Variants in ARFGEF1 observed in about 807,000 individuals in gnomAD.
ARFGEF1 encodes ARF guanine nucleotide exchange factor 1, also known as brefeldin A-inhibited guanine nucleotide-exchange protein 1.
Under a neutral mutation model 231.0 loss-of-function variants are expected in ARFGEF1, and 42 were observed. That is an observed-to-expected ratio of 0.18 (90% confidence interval 0.14 to 0.24). The LOEUF is 0.24. ARFGEF1 is among the 10% of genes least tolerant of loss of function. The pLI is 1.00. For missense variants in ARFGEF1, 1,345 were observed against 2,192.0 expected (o/e 0.61, Z 7.72); for synonymous variants, 710 against 732.3 (o/e 0.97, Z 0.49).
In ARFGEF1 at chr8:67,238,766, T is replaced by C; in HGVS notation, c.3107A>G (p.Asp1036Gly). 1 of 1,613,774 alleles carries C rather than the reference T, an allele frequency of 6.2e-7. No individual in the cohort carries two copies. Among genetic ancestry groups the C allele is most frequent in the South Asian group, 1.1e-5 (1 of 91,038 alleles). The change falls in exon 21 of 39, where the codon GAT becomes GGT. Residue 1036 changes from aspartate (D) to glycine (G), a missense_variant. Asp to Gly is a moderately conservative substitution (Grantham distance 94). This residue lies in a region of ARFGEF1 where 146 missense variants were observed against 321.4 expected (regional missense o/e 0.45). Coordinates refer to ENST00000262215, the MANE Select transcript of ARFGEF1 (RefSeq NM_006421.5). ...CCATGAATTTCCTAAATAATTTCCA[T>C]CTGTATGAGCCACTGTGATAAGTGT... ...IKTLITVAHTDGNYLGNSWHE... is the reference protein window; with the variant it reads ...IKTLITVAHTGGNYLGNSWHE...
At chr8:67,304,797 T>A (rs1416690892) in intron 1 of ARFGEF1, among the ~76,000 whole-genome samples, 1 of 152,202 alleles carries the variant, frequency 6.6e-6, no homozygotes, top group Non-Finnish European at 1.5e-5. Context: ...CCAGCCTGGG[T>A]GACAGAATGA....
intron 5 of ARFGEF1, among the ~76,000 whole-genome samples, chr8:67,185,553 G>C (rs1834342034): frequency 6.6e-6 from 1 of 152,212 alleles, no homozygotes; most frequent in South Asian, 2.1e-4. Flanking sequence ...TCTGTCGGTT[G>C]ATGTGTGCTT....
chr8:67,248,958 T>C (rs1388061116), intron 19 of ARFGEF1, among the ~76,000 whole-genome samples: 1 of 149,942 alleles, frequency 6.7e-6, no homozygotes, highest in Non-Finnish European at 1.5e-5. Context: ...AGATAAACTT[T>C]TTTTTGTCTT....
chr8:67,202,829 G>A (rs1484645103), intron 36 of ARFGEF1, among the ~76,000 whole-genome samples: 1 of 152,158 alleles, frequency 6.6e-6, no homozygotes, highest in East Asian at 1.9e-4. Flanking sequence ...GGTCCAGGTT[G>A]GGTAAACAAG....
intron 10 of ARFGEF1, among the ~76,000 whole-genome samples, chr8:67,271,035 A>G (rs1300102358): frequency 2.7e-5 from 4 of 146,984 alleles, no homozygotes; most frequent in Non-Finnish European, 4.5e-5. Context: ...CAAAAAAAAA[A>G]AAAAAAAAGG....
intron 1 of ARFGEF1, among the ~76,000 whole-genome samples, chr8:67,341,767 A>T (rs1380341500): frequency 1.3e-5 from 2 of 152,220 alleles, no homozygotes; most frequent in African/African-American, 4.8e-5. Context: ...ATATAAATAC[A>T]GTTTTTGCCA....
chr8:67,314,165 C>T (rs1452821519), intron 1 of ARFGEF1, among the ~76,000 whole-genome samples: 1 of 152,186 alleles, frequency 6.6e-6, no homozygotes, highest in Non-Finnish European at 1.5e-5. Flanking sequence ...GCAAAAGGAG[C>T]TTGAAAACTT....
intron 5 of ARFGEF1, among the ~76,000 whole-genome samples, chr8:67,175,893 C>T (rs1234064215): frequency 2.6e-5 from 4 of 152,134 alleles, no homozygotes; most frequent in Non-Finnish European, 4.4e-5. Flanking sequence ...AATATGTTTT[C>T]GTATAATCAA....
At position 67,226,058 on chromosome 8, in the gene ARFGEF1, G is replaced by A. The variant is rs370394131; in HGVS notation, c.4042C>T (p.Arg1348Cys). The change falls in exon 28 of 39, where the codon CGC becomes TGC. Residue 1348 changes from arginine to cysteine, a missense_variant. Physicochemically the swap from Arg to Cys is radical, Grantham distance 180. Transcript: ENST00000262215. ...DTSMEAIRLI[R>C]HCAKYVSDRP... ...TCAGACACATATTTTGCACAATGGC[G>A]AATAAGTCGAATTGCTTCCATACTT... 2 of 1,612,120 alleles carry A rather than the reference G, an allele frequency of 1.2e-6. No individual in the cohort carries two copies. The highest frequency in any genetic ancestry group is 1.7e-6 in the Non-Finnish European group (2 of 1,179,050).
chr8:67,331,773 C>T (rs963805967), intron 1 of ARFGEF1, among the ~76,000 whole-genome samples: 5 of 151,988 alleles, frequency 3.3e-5, no homozygotes, highest in African/African-American at 1.2e-4. Flanking sequence ...TGATAAAACA[C>T]TGATCAAAAC....
At chr8:67,290,904 G>A (rs916674300) in intron 6 of ARFGEF1, among the ~76,000 whole-genome samples, 4 of 151,730 alleles carry the variant, frequency 2.6e-5, no homozygotes, top group African/African-American at 9.7e-5. Flanking sequence ...AAGCTGGGGG[G>A]AAAATGTAAA....
chr8:67,203,384 G>GT (rs1838400758), intron 35 of ARFGEF1, 133 bp from the exon 36 acceptor site: 3 of 1,013,618 alleles, frequency 3.0e-6, no homozygotes, highest in Non-Finnish European at 4.4e-6. Context: ...CTAACAGAAA[G>GT]TAAGGGAAGG....
intron 1 of ARFGEF1, among the ~76,000 whole-genome samples, chr8:67,329,756 C>T (rs977649983): frequency 1.7e-4 from 26 of 151,482 alleles, no homozygotes; most frequent in Admixed American, 1.7e-3. Flanking sequence ...ATCAATAAAA[C>T]CTTTACATTA....
chr8:67,213,822 A>AGCCT (rs1212027051), intron 33 of ARFGEF1, among the ~76,000 whole-genome samples: 2 of 152,224 alleles, frequency 1.3e-5, no homozygotes, highest in Admixed American at 6.5e-5. Context: ...AAGGCTTTCC[A>AGCCT]GCCTGCCTGC....
chr8:67,218,542 A>C (rs1006394122), intron 30 of ARFGEF1, among the ~76,000 whole-genome samples: 7 of 152,076 alleles, frequency 4.6e-5, no homozygotes, highest in Admixed American at 3.3e-4. Flanking sequence ...ATTTGTCCAA[A>C]TGGGATTAGC....
At chr8:67,190,252 TAAACAACTTAAACATGGCACAGC>T (rs367892560) in intron 5 of ARFGEF1, among the ~76,000 whole-genome samples, 1 of 152,310 alleles carries the variant, frequency 6.6e-6, no homozygotes, top group East Asian at 1.9e-4. Flanking sequence ...TAAAATGTAA[TAAACAACTTAAACATGGCACAGC>T]ATAGATGAAT....
At chr8:67,202,518 C>A (rs746232142) in intron 36 of ARFGEF1, among the ~76,000 whole-genome samples, 52 of 152,276 alleles carry the variant, frequency 3.4e-4, no homozygotes, top group Middle Eastern at 6.8e-3. Context: ...CTCAGCCACC[C>A]GAGTAGCCGG....
intron 1 of ARFGEF1, among the ~76,000 whole-genome samples, chr8:67,328,858 AAGG>A (rs1192916537): frequency 3.3e-5 from 5 of 152,238 alleles, no homozygotes; most frequent in African/African-American, 1.2e-4. Flanking sequence ...AAGGAGAAAG[AAGG>A]AGAATCCGGT....
intron 29 of ARFGEF1, among the ~76,000 whole-genome samples, chr8:67,222,699 C>T (rs1839240897): frequency 6.6e-6 from 1 of 152,116 alleles, no homozygotes; most frequent in African/African-American, 2.4e-5. Context: ...GATCCGCCCA[C>T]CTGGGCCTCC....
Sources: gnomAD v4.1 joint callset for allele counts (sites outside exome capture counted in the v4.1 genomes callset) on GRCh38, gnomAD v4.1.1 for gene constraint, gnomAD v4.1.1 regional missense constraint, MANE v1.5 for transcripts, NCBI Gene and HGNC (gene_info 2026-07-23, HGNC 2026-07-21) for gene names.